Variants in ABCB1 observed in about 807,000 individuals in gnomAD.
The protein encoded by ABCB1 is ATP-dependent translocase ABCB1.
Under a neutral mutation model 142.0 loss-of-function variants are expected in ABCB1, and 69 were observed. The ratio of observed to expected loss-of-function variants is 0.49; its 90% CI spans 0.40 to 0.59. The LOEUF (loss-of-function observed/expected upper bound fraction) is 0.59, where lower values mean the gene tolerates loss of function less well. Ranked by LOEUF, ABCB1 falls within the 20% of genes least tolerant of loss-of-function variation. The pLI is 0.00. For missense variants in ABCB1, 1,326 were observed against 1,554.7 expected, an observed-to-expected ratio of 0.85 and a Z score of 2.47; for synonymous variants, 532 against 539.2, an observed-to-expected ratio of 0.99 and a Z score of 0.18.
chr7:87,550,894 T>C (rs1326108350), intron 9 of ABCB1, 56 bp from the exon 10 acceptor site: 2 of 1,045,406 alleles, frequency 1.9e-6, no homozygotes, highest in African/African-American at 3.1e-5. Context: ...GCAATTTTTT[T>C]TCATACTTCT....
At chr7:87,512,751 T>G (rs1347080083) in intron 25 of ABCB1, among the ~76,000 whole-genome samples, 2 of 152,236 alleles carry the variant, frequency 1.3e-5, no homozygotes, top group Non-Finnish European at 2.9e-5. Context: ...CTGAGAAGTC[T>G]GGCTGCAGTG....
chr7:87,531,343 A>C lies in ABCB1; in HGVS notation c.2636T>G (p.Leu879Trp). The C allele has an allele frequency of 6.2e-7, 1 of 1,613,516 alleles. No homozygotes were observed. The change falls in exon 21 of 28, where the codon TTG becomes TGG. Residue 879 changes from leucine to tryptophan, a missense_variant. Transcript: ENST00000622132. ...CTTATCTTTCAGTGCTTGTCCAGAC[A>C]ACATTTTCATTTCAACAACTCCTGC... ...AIAGVVEMKM[L>W]SGQALKDKKE...
chr7:87,511,718 T>C (rs1281424098), intron 25 of ABCB1, among the ~76,000 whole-genome samples: 2 of 152,186 alleles, frequency 1.3e-5, no homozygotes, highest in Non-Finnish European at 2.9e-5. Context: ...CACTCTAGGT[T>C]GGGTTTTGGT....
At chr7:87,635,247 C>T (rs767395175) in intron 1 of ABCB1, among the ~76,000 whole-genome samples, 5 of 152,112 alleles carry the variant, frequency 3.3e-5, no homozygotes, top group Non-Finnish European at 5.9e-5. Flanking sequence ...TCTTCTATCC[C>T]CAACTGCTTT....
intron 14 of ABCB1, among the ~76,000 whole-genome samples, chr7:87,549,072 T>C (rs1044893638): frequency 1.3e-5 from 2 of 152,216 alleles, no homozygotes; most frequent in African/African-American, 2.4e-5. Context: ...GTGTCTATAT[T>C]TCTATTTTTT....
chr7:87,680,719 TG>T (rs1486876878), intron 1 of ABCB1, among the ~76,000 whole-genome samples: 1 of 149,756 alleles, frequency 6.7e-6, no homozygotes, highest in Non-Finnish European at 1.5e-5. Context: ...CACTTGAACC[TG>T]GGAGGCGGAG....
intron 23 of ABCB1, among the ~76,000 whole-genome samples, chr7:87,518,260 C>G (rs997030061): frequency 6.6e-6 from 1 of 152,172 alleles, no homozygotes; most frequent in South Asian, 2.1e-4. Context: ...ACCTATGGGA[C>G]CTTTTTCTAA....
At chr7:87,555,801 G>T (rs1281694165) in intron 8 of ABCB1, among the ~76,000 whole-genome samples, 1 of 152,048 alleles carries the variant, frequency 6.6e-6, no homozygotes, top group Admixed American at 6.6e-5. Flanking sequence ...AGCTACCACT[G>T]GGCATAACTT....
intron 1 of ABCB1, among the ~76,000 whole-genome samples, chr7:87,641,108 AAT>A (rs1240457253): frequency 2.0e-5 from 3 of 152,046 alleles, no homozygotes; most frequent in Admixed American, 2.0e-4. Context: ...AATGCCACAC[AAT>A]GTTTATTAAG....
chr7:87,700,322 T>A (rs1409625410), intron 1 of ABCB1: 2 of 1,033,060 alleles, frequency 1.9e-6, no homozygotes, highest in East Asian at 2.6e-5. Context: ...TATAGTTCAC[T>A]ATATTACCTT....
chr7:87,547,796 A>C (rs964528835), intron 14 of ABCB1, among the ~76,000 whole-genome samples: 4 of 140,404 alleles, frequency 2.8e-5, no homozygotes, highest in African/African-American at 1.1e-4. Flanking sequence ...GGTTGCAGTG[A>C]GCCAAGATTG....
intron 8 of ABCB1, among the ~76,000 whole-genome samples, chr7:87,560,362 A>T (rs915651893): frequency 6.6e-6 from 1 of 152,176 alleles, no homozygotes; most frequent in African/African-American, 2.4e-5. Flanking sequence ...TACTCCAAAC[A>T]CATATGCACA....
At chr7:87,570,301 A>G in intron 4 of ABCB1, 78 bp from the exon 5 acceptor site, 1 of 1,318,710 alleles carries the variant, frequency 7.6e-7, no homozygotes, top group Non-Finnish European at 1.1e-6. Context: ...AATGAATCAA[A>G]CTCATTTCAT....
In ABCB1 at chr7:87,587,668, A is replaced by G. The variant is rs1036259101; in HGVS notation, c.118-1988T>C. Among the ~76,000 whole-genome samples, 6 of 152,004 alleles carry G rather than the reference A, an allele frequency of 3.9e-5. No homozygotes were observed. In the South Asian group the frequency reaches 1.2e-3, roughly 32 times the overall value. ...GGGCAGATCACGAGGTCAGGAGATC[A>G]ATACCATCCTGGCTAACACAGTGAA... is the stretch of plus-strand genomic sequence containing the variant. On this transcript the variant is annotated intron_variant, in intron 3 of 27. Coordinates refer to ENST00000622132, the MANE Select transcript of ABCB1 (RefSeq NM_001348946.2).
chr7:87,656,161 A>T (rs1175905013), intron 1 of ABCB1, among the ~76,000 whole-genome samples: 2 of 152,172 alleles, frequency 1.3e-5, no homozygotes, highest in African/African-American at 4.8e-5. Flanking sequence ...TAATATGTAT[A>T]TTAATTTGTT....
rs28364268 is a variant in ABCB1 at position 87,505,089 on chromosome 7, G to A, written c.3637-640C>T. On this transcript the variant is annotated intron_variant, in intron 27 of 27. Coordinates refer to ENST00000622132, the MANE Select transcript of ABCB1 (RefSeq NM_001348946.2). ...AGCGATTCTTCCACCTCAGCCTTCT[G>A]AGTAGCTGGGACTACAAGTTCCCAC... Among the ~76,000 whole-genome samples, 452 of 152,008 alleles carry A rather than the reference G, an allele frequency of 3.0e-3. 4 individuals are homozygous for A. The highest frequency in any genetic ancestry group is 0.01 in the African/African-American group (432 of 41,454).
intron 1 of ABCB1, among the ~76,000 whole-genome samples, chr7:87,610,907 T>C (rs1020172619): frequency 6.6e-6 from 1 of 152,170 alleles, no homozygotes; most frequent in Admixed American, 6.5e-5. Context: ...ATTGCTAGCA[T>C]CCCCTTTTCC....
intron 1 of ABCB1, among the ~76,000 whole-genome samples, chr7:87,614,201 G>A (rs1219647092): frequency 1.3e-5 from 2 of 152,086 alleles, no homozygotes; most frequent in Non-Finnish European, 2.9e-5. Context: ...TTCAAGACAA[G>A]CCTGGGCAAC....
chr7:87,588,686 G>C (rs1818862532), intron 3 of ABCB1, among the ~76,000 whole-genome samples: 1 of 152,042 alleles, frequency 6.6e-6, no homozygotes, highest in Non-Finnish European at 1.5e-5. Flanking sequence ...TATTCCTTTG[G>C]GTATACACCC....
Sources: allele counts gnomAD v4.1 joint callset (sites outside exome capture counted in the v4.1 genomes callset), GRCh38; gene constraint gnomAD v4.1.1; transcripts MANE v1.5; gene names NCBI Gene and HGNC (gene_info 2026-07-23, HGNC 2026-07-21).